Variants in DCC observed in about 807,000 individuals in gnomAD.
The protein encoded by DCC is netrin receptor DCC.
A neutral mutation model predicts 172.5 loss-of-function variants in DCC; 58 were observed. The ratio of observed to expected loss-of-function variants is 0.34; its 90% CI spans 0.27 to 0.42. The LOEUF (loss-of-function observed/expected upper bound fraction) is 0.42, where lower values mean the gene tolerates loss of function less well. Among genes scored for constraint, DCC ranks in the 10% least tolerant of loss-of-function variants. The probability of loss-of-function intolerance (pLI) is 1.00; values close to 1 mark genes in which losing one functional copy is unlikely to be tolerated. For synonymous variants in DCC, 709 were observed against 644.5 expected (o/e 1.10, Z -1.52); for missense variants, 1,740 against 1,791.0 (o/e 0.97, Z 0.51).
chr18:52,533,043 A>C (rs1036292238), intron 1 of DCC, among the ~76,000 whole-genome samples: 6 of 152,148 alleles, frequency 3.9e-5, no homozygotes, highest in Non-Finnish European at 7.4e-5. Context: ...AGGATTATAA[A>C]ATATGTGGCC....
chr18:53,110,913 G>A (rs1174539988), intron 7 of DCC, among the ~76,000 whole-genome samples: 2 of 123,682 alleles, frequency 1.6e-5, no homozygotes, highest in African/African-American at 6.3e-5. Flanking sequence ...ATACCCAAAG[G>A]ACTATAAATC....
rs73960205 is a variant in DCC, at chr18:53,159,008, A to G, written c.1418+1496A>G. Among the ~76,000 whole-genome samples the G allele has an allele frequency of 7.2e-4, 86 of 119,174 alleles. 9 individuals are homozygous for G. The highest frequency in any genetic ancestry group is 2.1e-3 in the East Asian group (7 of 3,274). 78.2% of individuals were successfully genotyped at this position (119,174 alleles called of 152,430 possible). On this transcript the variant is annotated intron_variant, in intron 8 of 28. Transcript: ENST00000442544. ...CATCTCAAAAAAAAAAAAAAAAAGA[A>G]GAAGATGTAGGCATACCCATATTGC...
intron 12 of DCC, among the ~76,000 whole-genome samples, chr18:53,299,879 A>G (rs949547305): frequency 6.6e-6 from 1 of 152,188 alleles, no homozygotes; most frequent in Non-Finnish European, 1.5e-5. Context: ...CTGATTTTAC[A>G]AAGGTCATAG....
At chr18:52,358,023 C>T (rs942087497) in intron 1 of DCC, among the ~76,000 whole-genome samples, 2 of 151,826 alleles carry the variant, frequency 1.3e-5, no homozygotes, top group Non-Finnish European at 2.9e-5. Context: ...ATGTTGATAG[C>T]ATGTACCCCC....
chr18:53,375,616 CTTTTT>C (rs1555660824), intron 15 of DCC, among the ~76,000 whole-genome samples: 1 of 123,082 alleles, frequency 8.1e-6, no homozygotes, highest in Non-Finnish European at 1.6e-5. Flanking sequence ...ATATTTAATT[CTTTTT>C]TTTTTTTTTT....
chr18:52,658,552 C>A (rs1568278932), intron 1 of DCC, among the ~76,000 whole-genome samples: 2 of 151,978 alleles, frequency 1.3e-5, no homozygotes, highest in Non-Finnish European at 2.9e-5. Context: ...TAATCTTTTA[C>A]TATTCTTCTA....
intron 15 of DCC, among the ~76,000 whole-genome samples, chr18:53,360,107 G>A (rs913626732): frequency 6.6e-6 from 1 of 151,936 alleles, no homozygotes; most frequent in African/African-American, 2.4e-5. Flanking sequence ...CTTTAAAAGT[G>A]GCAAATCACT....
intron 1 of DCC, among the ~76,000 whole-genome samples, chr18:52,556,408 T>C (rs981962122): frequency 6.6e-6 from 1 of 152,092 alleles, no homozygotes; most frequent in Non-Finnish European, 1.5e-5. Context: ...TGGATAATGG[T>C]AGGTAGGTTA....
At chr18:53,120,140 A>T (rs1160291932) in intron 7 of DCC, among the ~76,000 whole-genome samples, 1 of 151,804 alleles carries the variant, frequency 6.6e-6, no homozygotes, top group Non-Finnish European at 1.5e-5. Context: ...CTATGCGTAA[A>T]TATCAATAAT....
At chr18:53,054,442 AC>A (rs1342864984) in intron 5 of DCC, among the ~76,000 whole-genome samples, 2 of 152,164 alleles carry the variant, frequency 1.3e-5, no homozygotes, top group Admixed American at 6.6e-5. Context: ...CATCAATAGC[AC>A]ATGAATTATT....
At chr18:52,900,606 C>T (rs2145437612) in intron 2 of DCC, among the ~76,000 whole-genome samples, 1 of 152,330 alleles carries the variant, frequency 6.6e-6, no homozygotes, top group East Asian at 1.9e-4. Flanking sequence ...GAAGATTAAA[C>T]AGAGCTTCCA....
chr18:53,410,577 C>G lies in DCC; in HGVS notation c.3061C>G (p.Arg1021Gly). The G allele has an allele frequency of 6.2e-7, 1 of 1,610,404 alleles. No homozygotes were observed. Among genetic ancestry groups the G allele is most frequent in the Non-Finnish European group, 8.5e-7 (1 of 1,176,614 alleles). The part of the protein sequence containing the change: ...DLNLDTMYYF[R>G]IQARNSKGVG... ...CAACCTTGATACTATGTATTACTTT[C>G]GAATTCAAGCACGAAATTCAAAAGG... The change falls in exon 20 of 29, where the codon CGA (arginine) becomes GGA (glycine). Residue 1021 changes from arginine to glycine, a missense_variant. By Grantham distance (125) the Arg-to-Gly change is moderately radical. Coordinates refer to ENST00000442544, the MANE Select transcript of DCC (RefSeq NM_005215.4).
Position 52,786,635 on chromosome 18 carries a change from G to A in DCC, c.412+34261G>A, listed in dbSNP as rs544249608. ...GGAATCTTAGATAGGACCTTTTAAA[G>A]CTGAGCCCGGCCATAGGTTTATATT... is the stretch of plus-strand genomic sequence containing the variant. On this transcript the variant is annotated intron_variant, in intron 2 of 28. Transcript: ENST00000442544. Among the ~76,000 whole-genome samples the A allele has an allele frequency of 3.9e-5, 6 of 152,212 alleles. No homozygotes were observed. In the East Asian group the frequency reaches 1.2e-3, roughly 30 times the overall value.
chr18:52,969,622 TTTCTGTGACTC>T (rs2040995016), intron 5 of DCC, among the ~76,000 whole-genome samples: 3 of 145,876 alleles, frequency 2.1e-5, no homozygotes, highest in East Asian at 2.0e-4. Context: ...TCTCTCTCTC[TTTCTGTGACTC>T]TCTGTGTCTC....
At chr18:52,579,747 T>C (rs1169084792) in intron 1 of DCC, among the ~76,000 whole-genome samples, 1 of 152,188 alleles carries the variant, frequency 6.6e-6, no homozygotes, top group African/African-American at 2.4e-5. Flanking sequence ...TCTGGAATTG[T>C]CATGAGTCAA....
At chr18:53,514,441 TAAATC>T (rs965035553) in intron 27 of DCC, among the ~76,000 whole-genome samples, 14 of 150,042 alleles carry the variant, frequency 9.3e-5, no homozygotes, top group Admixed American at 9.3e-4. Context: ...AGGCAAGAAA[TAAATC>T]AGAGCAGAAC....
chr18:53,450,673 G>C lies in DCC; in HGVS notation c.3392+11G>C, dbSNP rs751090709. On this transcript the variant is annotated intron_variant, in intron 23 of 28. Transcript: ENST00000442544. Reference sequence around the variant, plus strand: ...AGCCCAGCAGAGAAAGTAGGTAACAGCTGGTTCCCAAGAGGAAAGAAGTCA... The same window carrying C: ...AGCCCAGCAGAGAAAGTAGGTAACACCTGGTTCCCAAGAGGAAAGAAGTCA... 3 of 1,608,530 alleles carry C rather than the reference G, an allele frequency of 1.9e-6. No homozygotes were observed. The highest frequency in any genetic ancestry group is 2.6e-6 in the Non-Finnish European group (3 of 1,175,116).
At chr18:53,363,913 T>C (rs1373169750) in intron 15 of DCC, among the ~76,000 whole-genome samples, 2 of 152,162 alleles carry the variant, frequency 1.3e-5, no homozygotes, top group Non-Finnish European at 2.9e-5. Context: ...ATCCATGAGA[T>C]ACATACCAGA....
At chr18:52,631,216 G>C (rs776499409) in intron 1 of DCC, among the ~76,000 whole-genome samples, 1 of 152,106 alleles carries the variant, frequency 6.6e-6, no homozygotes, top group Non-Finnish European at 1.5e-5. Context: ...CTAATGTGTA[G>C]TTGTTATTTA....
Sources: allele counts gnomAD v4.1 joint callset (sites outside exome capture counted in the v4.1 genomes callset), GRCh38; gene constraint gnomAD v4.1.1; transcripts MANE v1.5; gene names NCBI Gene and HGNC (gene_info 2026-07-23, HGNC 2026-07-21).